Variants in AP1G2 observed in about 807,000 individuals in gnomAD.
The protein encoded by AP1G2 is AP-1 complex subunit gamma-like 2.
AP1G2 carries 85 observed loss-of-function variants against 95.8 expected under a neutral mutation model. The ratio of observed to expected loss-of-function variants is 0.89; its 90% CI spans 0.74 to 1.06. The LOEUF (loss-of-function observed/expected upper bound fraction) is 1.06. Among genes scored for constraint, AP1G2 ranks in the 50% least tolerant of loss-of-function variants. AP1G2 has a pLI of 0.00. For synonymous variants in AP1G2, 378 were observed against 400.0 expected (o/e 0.94, Z 0.66); for missense variants, 967 against 1,005.8 (o/e 0.96, Z 0.52).
In AP1G2 at chr14:23,559,772, AGTT is replaced by A; in HGVS notation, c.2332_2334del (p.Asn778del). The A allele has an allele frequency of 1.2e-6, 2 of 1,614,120 alleles. No homozygotes were observed. The highest frequency in any genetic ancestry group is 2.7e-5 in the African/African-American group (2 of 75,042). Reference sequence around the variant, plus strand: ...AGTTACTGCCACGATTCCACAGGCAAGTTGTTCACCTCAAAGATCTCCTGCACC... The same window carrying A: ...AGTTACTGCCACGATTCCACAGGCAAGTTCACCTCAAAGATCTCCTGCACC... On this transcript the variant is annotated inframe_deletion, in exon 22 of 22. Transcript: ENST00000397120.
At position 23,561,999 on chromosome 14, in the gene AP1G2, C is replaced by T. The variant is rs890597421; in HGVS notation, c.1696G>A (p.Glu566Lys). ...LDVELQQRAV[E>K]YDTLFRKYDH... is the part of the protein sequence containing the mutation. ...TATTTCCGGAAGAGTGTGTCATACT[C>T]CACAGCCCGCTGCTGCAGCTCCACG... Residue 566 changes from glutamate (E) to lysine (K), a missense_variant, in exon 17 of 22, where the codon GAG becomes AAG. Glu to Lys is a moderately conservative substitution (Grantham distance 56). Coordinates refer to ENST00000397120, the MANE Select transcript of AP1G2 (RefSeq NM_003917.5). 6 of 1,613,310 alleles carry T rather than the reference C, an allele frequency of 3.7e-6. No individual in the cohort carries two copies. In the African/African-American group the frequency reaches 6.7e-5, roughly 18 times the overall value.
intron 3 of AP1G2, 39 bp downstream of exon 3, chr14:23,566,523 C>A: frequency 6.2e-7 from 1 of 1,611,442 alleles, no homozygotes; most frequent in Non-Finnish European, 8.5e-7. Context: ...CCTACTCTCC[C>A]ATCTCCCTGA....
chr14:23,565,047 T>A (rs45623934), intron 8 of AP1G2, 72 bp downstream of exon 8: 53 of 1,425,244 alleles, frequency 3.7e-5, no homozygotes, highest in Admixed American at 2.5e-4. Context: ...CAGTGACGAG[T>A]CATGTGAGGG....
At chr14:23,561,233 G>A (rs894493331) in intron 19 of AP1G2, 63 bp downstream of exon 19, 4 of 1,503,496 alleles carry the variant, frequency 2.7e-6, no homozygotes, top group African/African-American at 1.4e-5. Flanking sequence ...CCTTGGCTTA[G>A]GAGGAGGAGC....
rs748947989 is a variant in AP1G2, at chr14:23,559,818, G to A, written c.2289C>T (p.Tyr763=). ...APLRLKLRLT[Y]DHFHQSVQEI... ...CCTGCACCGACTGGTGAAAGTGGTC[G>A]TAGGTGAGGCGCAGCTTTAGCCGCA... Residue 763 remains tyrosine, a synonymous_variant, in exon 22 of 22, where the codon TAC becomes TAT. Transcript: ENST00000397120. 16 of 1,614,028 alleles carry A rather than the reference G, an allele frequency of 9.9e-6. No individual in the cohort carries two copies. Among genetic ancestry groups the A allele is most frequent in the Middle Eastern group, 1.6e-4 (1 of 6,076 alleles).
chr14:23,562,897 G>C, intron 14 of AP1G2: 1 of 514,084 alleles, frequency 1.9e-6, no homozygotes, highest in Non-Finnish European at 3.2e-6. Context: ...TTGTTACCTG[G>C]CTCCCACTGC....
Position 23,561,503 on chromosome 14 carries a change from C to A in AP1G2, c.1857+9G>T. The A allele has an allele frequency of 6.2e-7, 1 of 1,614,166 alleles. No individual in the cohort carries two copies. On this transcript the variant is annotated intron_variant, in intron 18 of 21. Coordinates refer to ENST00000397120, the MANE Select transcript of AP1G2 (RefSeq NM_003917.5). The stretch of plus-strand genomic sequence containing the variant: ...CGTCTTCCTACCCCAGAGTTTCTAG[C>A]CTTCTCACCTGGGGCTCTGTGGGCA...
At chr14:23,564,797 C>A in intron 8 of AP1G2, 137 bp from the exon 9 acceptor site, 1 of 795,646 alleles carries the variant, frequency 1.3e-6, no homozygotes. Flanking sequence ...CCTGCCTCAG[C>A]CTCCTGAGTG....
In AP1G2 at chr14:23,565,064, A is replaced by G. The variant is rs996598385; in HGVS notation, c.822+55T>C. 3.8e-6 allele frequency: 6 copies of G among 1,569,958 alleles called. No homozygotes were observed. In the African/African-American group the frequency reaches 5.4e-5, roughly 14 times the overall value. Reference sequence around the variant, plus strand: ...GTGACGAGTCATGTGAGGGGCACCCAGGGCTGATGGGGTCTCCAAGCAACA... The same window carrying G: ...GTGACGAGTCATGTGAGGGGCACCCGGGGCTGATGGGGTCTCCAAGCAACA... On this transcript the variant is annotated intron_variant, in intron 8 of 21. Transcript: ENST00000397120.
chr14:23,560,548 T>C lies in AP1G2; in HGVS notation c.1994-130A>G, dbSNP rs115842935. 7.4e-4 allele frequency: 707 copies of C among 958,504 alleles called. 3 individuals are homozygous for C. The African/African-American group carries it at 8.9e-3, about 12-fold the overall frequency. The allele number at this position is 958,504 out of a possible 1,614,324, so 59.4% of individuals were successfully genotyped here. Reference sequence around the variant, plus strand: ...CGAAAGGCTAGTAACAAAGTAGACATGTAGATGAGGATGGAGCTTACTGTC... The same window carrying C: ...CGAAAGGCTAGTAACAAAGTAGACACGTAGATGAGGATGGAGCTTACTGTC... On this transcript the variant is annotated intron_variant, in intron 19 of 21. Coordinates refer to ENST00000397120, the MANE Select transcript of AP1G2 (RefSeq NM_003917.5).
chr14:23,563,256 C>T, intron 14 of AP1G2, 124 bp downstream of exon 14: 1 of 1,494,510 alleles, frequency 6.7e-7, no homozygotes, highest in Non-Finnish European at 8.9e-7. Flanking sequence ...GCTCAGATGT[C>T]TTCTGCACTG....
intron 8 of AP1G2, 133 bp downstream of exon 8, chr14:23,564,986 A>G: frequency 1.2e-6 from 1 of 860,096 alleles, no homozygotes; most frequent in African/African-American, 1.7e-5. Flanking sequence ...TCCCTTCTTC[A>G]TGGAGTTCAC....
Position 23,562,268 on chromosome 14 carries a change from G to A in AP1G2, c.1628+20C>T. 6.2e-7 allele frequency: 1 copy of A among 1,613,738 alleles called. No individual in the cohort carries two copies. The highest frequency in any genetic ancestry group is 8.5e-7 in the Non-Finnish European group (1 of 1,179,788). ...ACCCAGTGACAGGCCATCTCTCAAG[G>A]GGCTGGGACCCCTTCTTACTTGTTG... is the stretch of plus-strand genomic sequence containing the variant. On this transcript the variant is annotated intron_variant, in intron 16 of 21. Transcript: ENST00000397120.
Position 23,560,020 on chromosome 14 carries a change from A to G in AP1G2, c.2174T>C (p.Leu725Pro). The change falls in exon 21 of 22, where the codon CTG (leucine) becomes CCG (proline). Residue 725 changes from leucine to proline, a missense_variant. Physicochemically the swap from Leu to Pro is moderately conservative, Grantham distance 98. Coordinates refer to ENST00000397120, the MANE Select transcript of AP1G2 (RefSeq NM_003917.5). ...AACTGTGTTCCCACTGGGGGCCTGCAGCTGCAGCTGGAGACTCTGAACACA... is the reference window on the plus strand; with the variant it reads ...AACTGTGTTCCCACTGGGGGCCTGCGGCTGCAGCTGGAGACTCTGAACACA... ...AAVPKSLQLQ[L>P]QAPSGNTVPA... 1 of 1,608,396 alleles carries G rather than the reference A, an allele frequency of 6.2e-7. No individual in the cohort carries two copies. Among genetic ancestry groups the G allele is most frequent in the Non-Finnish European group, 8.5e-7 (1 of 1,176,354 alleles).
In AP1G2 at chr14:23,566,264, T is replaced by A. The variant is rs536451655; in HGVS notation, c.471+14A>T. On this transcript the variant is annotated intron_variant, in intron 4 of 21. Transcript: ENST00000397120. ...AGTGTGCAGGAGCACGTGCCAGGAG[T>A]CCCGCCATCTCACCTTCTTGCGCAC... The A allele has an allele frequency of 7.4e-6, 12 of 1,613,260 alleles. No homozygotes were observed. Among genetic ancestry groups the A allele is most frequent in the Middle Eastern group, 3.3e-4 (2 of 6,054 alleles).
Position 23,565,026 on chromosome 14 carries a change from C to T in AP1G2, c.822+93G>A, listed in dbSNP as rs1312947457. ...TAGAGGAGATGGAGAGGCAATTACACGGCCACTGCACAGTGACGAGTCATG... is the reference window on the plus strand; with the variant it reads ...TAGAGGAGATGGAGAGGCAATTACATGGCCACTGCACAGTGACGAGTCATG... On this transcript the variant is annotated intron_variant, in intron 8 of 21. Transcript: ENST00000397120. The T allele has an allele frequency of 4.2e-5, 50 of 1,187,212 alleles. No individual in the cohort carries two copies. In the East Asian group the frequency reaches 6.8e-4, roughly 16 times the overall value. 73.5% of individuals were successfully genotyped at this position (1,187,212 alleles called of 1,614,324 possible).
chr14:23,559,762 TC>T lies in AP1G2; in HGVS notation c.2344del (p.Glu782AsnfsTer60). 3.1e-6 allele frequency: 5 copies of T among 1,614,104 alleles called. No homozygotes were observed. Among genetic ancestry groups the T allele is most frequent in the Non-Finnish European group, 4.2e-6 (5 of 1,179,986 alleles). ...EIFEVNNLPV[E>X]SWQ ...GAGTGGAGACAGTTACTGCCACGAT[TC>T]CACAGGCAAGTTGTTCACCTCAAAG... On this transcript the variant is annotated frameshift_variant, in exon 22 of 22. Transcript: ENST00000397120. LOFTEE classifies it high-confidence loss of function.
chr14:23,565,775 CCT>C (rs1225962094), intron 6 of AP1G2, 39 bp downstream of exon 6: 1 of 1,604,958 alleles, frequency 6.2e-7, no homozygotes. Flanking sequence ...CCCCACTGAC[CCT>C]GTCTTCCAGG....
chr14:23,562,309 G>A lies in AP1G2; in HGVS notation c.1607C>T (p.Thr536Ile), dbSNP rs142900764. ...TTACTTGTTGTCCCCACAGAGGCGA[G>A]TGCTGAGCTTCATGAGGGCTGTGAG... ...YALTALMKLS[T>I]RLCGDNNRIR... The change falls in exon 16 of 22, where the codon ACT (threonine) becomes ATT (isoleucine). Residue 536 changes from threonine to isoleucine, a missense_variant. By Grantham distance (89) the Thr-to-Ile change is moderately conservative. Coordinates refer to ENST00000397120, the MANE Select transcript of AP1G2 (RefSeq NM_003917.5). 4 of 1,614,236 alleles carry A rather than the reference G, an allele frequency of 2.5e-6. No homozygotes were observed. The highest frequency in any genetic ancestry group is 2.7e-5 in the African/African-American group (2 of 75,064).
Sources: allele counts gnomAD v4.1 joint callset, GRCh38; gene constraint gnomAD v4.1.1; transcripts MANE v1.5; gene names NCBI Gene and HGNC (gene_info 2026-07-23, HGNC 2026-07-21).